The following PRKAG2 variants were observed in gnomAD, a reference collection of about 807,000 sequenced individuals.
The protein encoded by PRKAG2 is protein kinase AMP-activated non-catalytic subunit gamma 2, also known as 5'-AMP-activated protein kinase subunit gamma-2.
PRKAG2 carries 26 observed loss-of-function variants against 69.6 expected under a neutral mutation model. The ratio of observed to expected loss-of-function variants is 0.37; its 90% CI spans 0.27 to 0.52. The LOEUF is 0.52. PRKAG2 is among the 20% of genes least tolerant of loss of function. The pLI is 0.90. For missense variants in PRKAG2, 557 were observed against 740.0 expected, an observed-to-expected ratio of 0.75 and a Z score of 2.87; for synonymous variants, 293 against 285.0, an observed-to-expected ratio of 1.03 and a Z score of -0.28.
intron 14 of PRKAG2, among the ~76,000 whole-genome samples, chr7:151,563,824 T>C (rs1006014434): frequency 6.6e-6 from 1 of 152,260 alleles, no homozygotes. Context: ...AAACTATGAA[T>C]GTATCTTACC....
chr7:151,618,964 C>T (rs76611932), intron 5 of PRKAG2, among the ~76,000 whole-genome samples: 1,971 of 151,662 alleles, frequency 0.013, 42 homozygotes, highest in African/African-American at 0.045. Flanking sequence ...TGTACACGGG[C>T]GAGAAAATGC....
chr7:151,709,667 A>G (rs1839233907), intron 3 of PRKAG2, among the ~76,000 whole-genome samples: 1 of 152,198 alleles, frequency 6.6e-6, no homozygotes, highest in Admixed American at 6.5e-5. Context: ...ACACTGAATG[A>G]CACATGTGAC....
intron 1 of PRKAG2, among the ~76,000 whole-genome samples, chr7:151,829,893 T>G (rs1395554675): frequency 6.6e-6 from 1 of 151,842 alleles, no homozygotes; most frequent in African/African-American, 2.4e-5. Flanking sequence ...GTGTACAGCC[T>G]GCGCAGCTGC....
intron 3 of PRKAG2, among the ~76,000 whole-genome samples, chr7:151,707,419 A>G (rs1463534065): frequency 2.6e-5 from 4 of 152,024 alleles, no homozygotes; most frequent in Non-Finnish European, 5.9e-5. Flanking sequence ...GCTGCTATAT[A>G]ATGACCGTTT....
rs367768776 is a variant in PRKAG2 at position 151,564,183 on chromosome 7, C to T, written c.1479G>A (p.Thr493=). 55 of 1,614,010 alleles carry T rather than the reference C, an allele frequency of 3.4e-5. No homozygotes were observed. Among genetic ancestry groups the T allele is most frequent in the South Asian group, 4.4e-5 (4 of 91,088 alleles). ...AEKTYNNLDI[T]VTQALQHRSQ... ...AACGGTGCTGAAGGGCCTGGGTCAC[C>T]GTGATATCTAGGTTATTGTATGTTT... The change falls in exon 14 of 16, where the codon ACG becomes ACA. Residue 493 remains threonine, a synonymous_variant. Transcript: ENST00000287878.
At position 151,719,594 on chromosome 7, in the gene PRKAG2, C is replaced by G. The variant is rs571402283; in HGVS notation, c.467-43957G>C. On this transcript the variant is annotated intron_variant, in intron 3 of 15. Transcript: ENST00000287878. The surrounding 1 kb of genome is among the most constrained non-coding windows in gnomAD (Gnocchi z 5.2). ...TTCTGCCTCCTACCCTCATCCTTCC[C>G]GGGCAGTTCCCCCAGTGAGTCTGGT... Among the ~76,000 whole-genome samples, 6 of 152,136 alleles carry G rather than the reference C, an allele frequency of 3.9e-5. No individual in the cohort carries two copies. Among genetic ancestry groups the G allele is most frequent in the East Asian group, 1.9e-4 (1 of 5,190 alleles).
chr7:151,562,955 A>C (rs1415771459), intron 14 of PRKAG2, among the ~76,000 whole-genome samples: 2 of 44,864 alleles, frequency 4.5e-5, no homozygotes, highest in Non-Finnish European at 5.6e-5. Context: ...ACTCCGTCTC[A>C]AAAAAAAAAA....
intron 9 of PRKAG2, among the ~76,000 whole-genome samples, chr7:151,570,508 T>C (rs1348393996): frequency 1.3e-5 from 2 of 152,142 alleles, no homozygotes; most frequent in Non-Finnish European, 2.9e-5. Context: ...AGAAATCTGA[T>C]AAAAGAGCAA....
At chr7:151,839,689 G>T (rs1402853524) in intron 1 of PRKAG2, among the ~76,000 whole-genome samples, 1 of 152,246 alleles carries the variant, frequency 6.6e-6, no homozygotes, top group Non-Finnish European at 1.5e-5. Context: ...GGGACACCTG[G>T]TCCTGACTTG....
At chr7:151,669,325 G>A (rs1355111670) in intron 4 of PRKAG2, among the ~76,000 whole-genome samples, 2 of 152,024 alleles carry the variant, frequency 1.3e-5, no homozygotes, top group South Asian at 2.1e-4. Flanking sequence ...TTCTGCTGTC[G>A]ACCCTGCCAC....
chr7:151,710,165 A>G (rs1324037084), intron 3 of PRKAG2, among the ~76,000 whole-genome samples: 1 of 152,112 alleles, frequency 6.6e-6, no homozygotes, highest in East Asian at 1.9e-4. Context: ...TGAGGCTTGG[A>G]TGCACCAGCA....
intron 1 of PRKAG2, among the ~76,000 whole-genome samples, chr7:151,823,860 G>A (rs1270023466): frequency 1.3e-5 from 2 of 152,152 alleles, no homozygotes; most frequent in East Asian, 3.9e-4. Flanking sequence ...TCAAAAACTA[G>A]ATCCCAATTA....
intron 4 of PRKAG2, among the ~76,000 whole-genome samples, chr7:151,633,906 G>A (rs1005052173): frequency 3.9e-5 from 6 of 152,036 alleles, no homozygotes; most frequent in African/African-American, 1.2e-4. Context: ...ATATGGAAAG[G>A]TGCAAGCTCT....
At chr7:151,629,134 G>A (rs1823756243) in intron 5 of PRKAG2, among the ~76,000 whole-genome samples, 1 of 152,186 alleles carries the variant, frequency 6.6e-6, no homozygotes, top group Non-Finnish European at 1.5e-5. Context: ...TGTGTTAGCT[G>A]CTTTCTGCTT....
chr7:151,562,949 C>T (rs1474124369), intron 14 of PRKAG2, among the ~76,000 whole-genome samples: 7 of 126,628 alleles, frequency 5.5e-5, no homozygotes, highest in African/African-American at 1.4e-4. Context: ...AGCAAGACTC[C>T]GTCTCAAAAA....
intron 3 of PRKAG2, among the ~76,000 whole-genome samples, chr7:151,710,808 A>G (rs1239114152): frequency 6.6e-6 from 1 of 152,224 alleles, no homozygotes; most frequent in Admixed American, 6.5e-5. Flanking sequence ...GAAGCCAGGG[A>G]CTTTGTTCTC....
At chr7:151,773,414 G>A (rs893932312) in intron 3 of PRKAG2, among the ~76,000 whole-genome samples, 12 of 152,152 alleles carry the variant, frequency 7.9e-5, no homozygotes, top group African/African-American at 2.9e-4. Context: ...AGTGGACTTC[G>A]GAGTTCAACC....
At chr7:151,772,433 T>C (rs1221192995) in intron 3 of PRKAG2, among the ~76,000 whole-genome samples, 1 of 152,200 alleles carries the variant, frequency 6.6e-6, no homozygotes, top group Admixed American at 6.5e-5. Context: ...CCGTTATGCA[T>C]TTCTCTCTTA....
chr7:151,705,459 A>G (rs1838427098), intron 3 of PRKAG2, among the ~76,000 whole-genome samples: 2 of 152,168 alleles, frequency 1.3e-5, no homozygotes, highest in Admixed American at 6.5e-5. Flanking sequence ...CCGAACACGC[A>G]GCCGGCATCT....
Sources: allele counts gnomAD v4.1 joint callset (sites outside exome capture counted in the v4.1 genomes callset), GRCh38; gene constraint gnomAD v4.1.1; non-coding constraint Gnocchi (gnomAD v3.1); transcripts MANE v1.5; gene names NCBI Gene and HGNC (gene_info 2026-07-23, HGNC 2026-07-21).